ZNF251: variants seen among roughly 807,000 people sequenced by gnomAD.
The protein encoded by ZNF251 is zinc finger protein 251.
Under a neutral mutation model 13.5 loss-of-function variants are expected in ZNF251, and 14 were observed. The ratio of observed to expected loss-of-function variants is 1.04; its 90% CI spans 0.69 to 1.63. The LOEUF (loss-of-function observed/expected upper bound fraction) is 1.63, where lower values mean the gene tolerates loss of function less well. Ranked by LOEUF, ZNF251 falls within the 40% of genes most tolerant of loss-of-function variation. ZNF251 has a pLI of 0.00. For synonymous variants in ZNF251, 287 were observed against 295.2 expected (o/e 0.97, Z 0.28); for missense variants, 764 against 834.9 (o/e 0.92, Z 1.05).
intron 3 of ZNF251, 117 bp from the exon 4 acceptor site, chr8:144,753,913 G>A (rs1824826336): frequency 2.4e-6 from 2 of 835,584 alleles, no homozygotes; most frequent in Non-Finnish European, 3.6e-6. Context: ...TGGTCAGGGG[G>A]CCCGTGGGCT....
intron 1 of ZNF251, chr8:144,755,060 C>G: frequency 7.5e-7 from 1 of 1,326,894 alleles, no homozygotes; most frequent in Non-Finnish European, 9.6e-7. Context: ...GCTGAAGGCC[C>G]TGGAAATGGG....
intron 4 of ZNF251, chr8:144,738,502 AG>A (rs1331303391): frequency 1.0e-6 from 1 of 964,102 alleles, no homozygotes; most frequent in Non-Finnish European, 1.2e-6. Flanking sequence ...CCTGACACAC[AG>A]GGTCTTCCCA....
Position 144,743,775 on chromosome 8 carries a change from ACT to A in ZNF251, c.277+9906_277+9907del, listed in dbSNP as rs1824279947. The stretch of plus-strand genomic sequence containing the variant: ...TCTAATAGGTGTGCAGTGGAATCTC[ACT>A]GTTTTAATGTGCAGTTCCTTAGAGA... On this transcript the variant is annotated intron_variant, in intron 4 of 4. Coordinates refer to ENST00000292562, the MANE Select transcript of ZNF251 (RefSeq NM_138367.2). Among the ~76,000 whole-genome samples the A allele has an allele frequency of 2.0e-5, 3 of 152,252 alleles. No individual in the cohort carries two copies. In the South Asian group the frequency reaches 6.2e-4, roughly 32 times the overall value.
intron 2 of ZNF251, 111 bp downstream of exon 2, chr8:144,754,585 A>G: frequency 6.8e-7 from 1 of 1,472,710 alleles, no homozygotes. Flanking sequence ...GGTTGCTATG[A>G]GCCCCTGGCT....
chr8:144,753,913 G>T, intron 3 of ZNF251, 117 bp from the exon 4 acceptor site: 1 of 835,582 alleles, frequency 1.2e-6, no homozygotes, highest in South Asian at 1.8e-5. Flanking sequence ...TGGTCAGGGG[G>T]CCCGTGGGCT....
At chr8:144,750,801 A>G (rs2130091004) in intron 4 of ZNF251, among the ~76,000 whole-genome samples, 1 of 151,634 alleles carries the variant, frequency 6.6e-6, no homozygotes, top group Non-Finnish European at 1.5e-5. Flanking sequence ...ATTGCTCACA[A>G]GATGTGGTTG....
Position 144,735,422 on chromosome 8 carries a change from G to T in ZNF251, c.278-12040C>A, listed in dbSNP as rs554003010. Among the ~76,000 whole-genome samples the T allele has an allele frequency of 4.7e-5, 7 of 149,620 alleles. No homozygotes were observed. The South Asian group carries it at 1.5e-3, about 32-fold the overall frequency. On this transcript the variant is annotated intron_variant, in intron 4 of 4. Coordinates refer to ENST00000292562, the MANE Select transcript of ZNF251 (RefSeq NM_138367.2). ...AAAAGAGATTTTGTATTTTTGTATT[G>T]CCAGAGTGAAAAGGGGGCTGGCCAG...
At chr8:144,729,422 C>T (rs1490101592) in intron 4 of ZNF251, among the ~76,000 whole-genome samples, 5 of 150,564 alleles carry the variant, frequency 3.3e-5, no homozygotes, top group African/African-American at 7.3e-5. Context: ...CTGCAAGCTC[C>T]GCCTCCCGGG....
intron 4 of ZNF251, among the ~76,000 whole-genome samples, chr8:144,729,452 T>G (rs1237987579): frequency 3.3e-5 from 5 of 151,156 alleles, no homozygotes; most frequent in Non-Finnish European, 7.4e-5. Context: ...TTCTCCTGCC[T>G]CAGCCTCCCG....
chr8:144,746,926 T>C (rs1240202830), intron 4 of ZNF251, among the ~76,000 whole-genome samples: 1 of 152,194 alleles, frequency 6.6e-6, no homozygotes, highest in Non-Finnish European at 1.5e-5. Context: ...TCTGGTTTCG[T>C]TGATTTTCTC....
In ZNF251 at chr8:144,722,681, C is replaced by T. The variant is rs1245132057; in HGVS notation, c.979G>A (p.Gly327Arg). 6.2e-7 allele frequency: 1 copy of T among 1,613,948 alleles called. No homozygotes were observed. The highest frequency in any genetic ancestry group is 1.3e-5 in the African/African-American group (1 of 74,882). ...TGGGGGCTCTGGCTAAAGCCTCTTC[C>T]ACATTCATTACACTTGTAGGGTTTC... Reference protein sequence around the residue: ...GEKPYKCNECGRGFSQSPQLT... With the variant: ...GEKPYKCNECRRGFSQSPQLT... Residue 327 changes from glycine to arginine, a missense_variant, in exon 5 of 5, where the codon GGA becomes AGA. Coordinates refer to ENST00000292562, the MANE Select transcript of ZNF251 (RefSeq NM_138367.2). The surrounding 1 kb of genome is among the most constrained non-coding windows in gnomAD (Gnocchi z 4.8).
intron 4 of ZNF251, among the ~76,000 whole-genome samples, chr8:144,728,777 C>A (rs541618075): frequency 1.0e-3 from 152 of 151,788 alleles, no homozygotes; most frequent in African/African-American, 3.4e-3. Flanking sequence ...ACAAGGTCGT[C>A]ACAAACCTTC....
At chr8:144,733,129 G>T (rs997501728) in intron 4 of ZNF251, among the ~76,000 whole-genome samples, 1 of 151,952 alleles carries the variant, frequency 6.6e-6, no homozygotes, top group Non-Finnish European at 1.5e-5. Context: ...AGCTGAGGCA[G>T]AATTGCTTGA....
At chr8:144,747,147 TG>T (rs1339771108) in intron 4 of ZNF251, among the ~76,000 whole-genome samples, 1 of 151,664 alleles carries the variant, frequency 6.6e-6, no homozygotes, top group Non-Finnish European at 1.5e-5. Flanking sequence ...CCACAAATTT[TG>T]GTAAGTTTTA....
At chr8:144,737,757 G>A (rs535397080) in intron 4 of ZNF251, among the ~76,000 whole-genome samples, 11 of 149,618 alleles carry the variant, frequency 7.4e-5, no homozygotes, top group African/African-American at 2.0e-4. Context: ...GCGTGAACCC[G>A]GGAGGCAGAG....
chr8:144,721,271 G>A lies in ZNF251; in HGVS notation c.*373C>T. 1 of 297,244 alleles carries A rather than the reference G, an allele frequency of 3.4e-6. No individual in the cohort carries two copies. The highest frequency in any genetic ancestry group is 6.2e-6 in the Non-Finnish European group (1 of 162,524). The allele number at this position is 297,244 out of a possible 1,614,324, so 18.4% of individuals were successfully genotyped here. A position where few individuals can be genotyped will look rare whatever the true frequency, so the allele number is the denominator to read the frequency against. On this transcript the variant is annotated 3_prime_UTR_variant, in exon 5 of 5. Transcript: ENST00000292562. The stretch of plus-strand genomic sequence containing the variant: ...GAGGCAGGTATATGGGACTGAAAGT[G>A]GATGTTCTCAGCCACAAGCCTGGGC...
At position 144,721,513 on chromosome 8, in the gene ZNF251, A is replaced by T. The variant is rs970584304; in HGVS notation, c.*131T>A. The T allele has an allele frequency of 6.1e-5, 57 of 941,994 alleles. No homozygotes were observed. Among genetic ancestry groups the T allele is most frequent in the Admixed American group, 4.5e-4 (11 of 24,708 alleles). The allele number at this position is 941,994 out of a possible 1,614,324, so 58.4% of individuals were successfully genotyped here. ...TTTACTTCCAGATTTAATGACTTTG[A>T]CTTTAGTAGTCATCTGAACTATTTA... is the stretch of plus-strand genomic sequence containing the variant. On this transcript the variant is annotated 3_prime_UTR_variant, in exon 5 of 5. Coordinates refer to ENST00000292562, the MANE Select transcript of ZNF251 (RefSeq NM_138367.2).
chr8:144,754,015 T>C (rs1257873975), intron 3 of ZNF251, among the ~76,000 whole-genome samples, 177 bp downstream of exon 3: 1 of 152,142 alleles, frequency 6.6e-6, no homozygotes, highest in Non-Finnish European at 1.5e-5. Flanking sequence ...GTGAAGTCCC[T>C]AGAACTGGGG....
intron 4 of ZNF251, among the ~76,000 whole-genome samples, chr8:144,724,198 C>G (rs1469905699): frequency 7.2e-6 from 1 of 139,458 alleles, no homozygotes; most frequent in Non-Finnish European, 1.5e-5. Context: ...GGAGGCAGAG[C>G]TTGCAGTGAG....
Sources: allele counts gnomAD v4.1 joint callset (sites outside exome capture counted in the v4.1 genomes callset), GRCh38; gene constraint gnomAD v4.1.1; non-coding constraint Gnocchi (gnomAD v3.1); transcripts MANE v1.5; gene names NCBI Gene and HGNC (gene_info 2026-07-23, HGNC 2026-07-21).